Variants in BCL2L1 observed in about 807,000 individuals in gnomAD.
BCL2L1 encodes the protein BCL2 like 1.
Under a neutral mutation model 18.7 loss-of-function variants are expected in BCL2L1, and 1 was observed. The ratio of observed to expected loss-of-function variants is 0.05; its 90% CI spans 0.02 to 0.25. BCL2L1 has a LOEUF of 0.25. BCL2L1 is among the 10% of genes least tolerant of loss of function. The probability of loss-of-function intolerance (pLI) is 1.00; values close to 1 mark genes in which losing one functional copy is unlikely to be tolerated. For missense variants in BCL2L1, 207 were observed against 304.9 expected, an observed-to-expected ratio of 0.68 and a Z score of 2.39; for synonymous variants, 103 against 122.7, an observed-to-expected ratio of 0.84 and a Z score of 1.06.
At chr20:31,706,086 T>C (rs143157126) in intron 2 of BCL2L1, among the ~76,000 whole-genome samples, 2 of 152,232 alleles carry the variant, frequency 1.3e-5, no homozygotes, top group Admixed American at 1.3e-4. Context: ...GAAATTCTTC[T>C]GAGTAGCAGA....
At chr20:31,701,201 G>T (rs965949707) in intron 2 of BCL2L1, among the ~76,000 whole-genome samples, 4 of 152,008 alleles carry the variant, frequency 2.6e-5, no homozygotes, top group Non-Finnish European at 5.9e-5. Context: ...TTACAGGCAC[G>T]CGCCACCACA....
At chr20:31,675,932 TCCACCTCCTCCC>T (rs1420448152) in intron 2 of BCL2L1, among the ~76,000 whole-genome samples, 2 of 152,284 alleles carry the variant, frequency 1.3e-5, no homozygotes, top group African/African-American at 4.8e-5. Flanking sequence ...CCTCTCCTCC[TCCACCTCCTCCC>T]CCACCATTAG....
chr20:31,703,007 T>A (rs971753005), intron 2 of BCL2L1, among the ~76,000 whole-genome samples: 3 of 151,944 alleles, frequency 2.0e-5, no homozygotes, highest in Non-Finnish European at 4.4e-5. Flanking sequence ...CTTGGAGGGT[T>A]GTAAACAAAA....
chr20:31,673,028 T>C (rs1474149550), intron 2 of BCL2L1, among the ~76,000 whole-genome samples: 1 of 150,126 alleles, frequency 6.7e-6, no homozygotes, highest in Non-Finnish European at 1.5e-5. Flanking sequence ...AGTGTGACTT[T>C]GAGCAGGTTA....
chr20:31,712,775 T>C (rs1197335284), intron 2 of BCL2L1, among the ~76,000 whole-genome samples: 2 of 152,034 alleles, frequency 1.3e-5, no homozygotes, highest in Admixed American at 6.6e-5. Flanking sequence ...CACGTGTGTA[T>C]GTGTGTGTGG....
At position 31,665,999 on chromosome 20, in the gene BCL2L1, T is replaced by G. The variant is rs1203035801; in HGVS notation, c.652A>C (p.Met218Leu). 6.2e-7 allele frequency: 1 copy of G among 1,614,108 alleles called. No homozygotes were observed. Residue 218 changes from methionine (M) to leucine (L), a missense_variant, in exon 3 of 3, where the codon ATG becomes CTG. By Grantham distance (15) the Met-to-Leu change is conservative (BLOSUM62 2). Coordinates refer to ENST00000307677, the MANE Select transcript of BCL2L1 (RefSeq NM_138578.3). ...AGCAGAACCACGCCGGCCACAGTCA[T>G]GCCCGTCAGGAACCAGCGGTTGAAG... is the stretch of plus-strand genomic sequence containing the variant. ...ERFNRWFLTG[M>L]TVAGVVLLGS...
intron 2 of BCL2L1, among the ~76,000 whole-genome samples, chr20:31,717,040 C>T (rs1568901199): frequency 6.6e-6 from 1 of 152,172 alleles, no homozygotes. Context: ...AGGGAGGACT[C>T]TGTGGAATTA....
At chr20:31,715,519 T>C (rs1272722289) in intron 2 of BCL2L1, among the ~76,000 whole-genome samples, 1 of 152,180 alleles carries the variant, frequency 6.6e-6, no homozygotes, top group African/African-American at 2.4e-5. Flanking sequence ...CACCCTTTGC[T>C]GTAGGGTACC....
intron 2 of BCL2L1, among the ~76,000 whole-genome samples, chr20:31,707,778 CAAA>C (rs553742099): frequency 1.5e-4 from 9 of 60,892 alleles, no homozygotes; most frequent in Non-Finnish European, 2.3e-4. Context: ...AACTCTGTCT[CAAA>C]AAAAAAAAAA....
rs377336613 is a variant in BCL2L1, at chr20:31,721,838, C to G, written c.381G>C (p.Val127=). Reference sequence around the variant, plus strand: ...TTACCCCATCCCGGAAGAGTTCATTCACTACCTGTTCAAAGCTCTGATATG... The same window carrying G: ...TTACCCCATCCCGGAAGAGTTCATTGACTACCTGTTCAAAGCTCTGATATG... ...GTAYQSFEQV[V]NELFRDGVNW... Residue 127 remains valine, a synonymous_variant, in exon 2 of 3, where the codon GTG becomes GTC. Coordinates refer to ENST00000307677, the MANE Select transcript of BCL2L1 (RefSeq NM_138578.3). 6.2e-7 allele frequency: 1 copy of G among 1,614,220 alleles called. No individual in the cohort carries two copies. Among genetic ancestry groups the G allele is most frequent in the South Asian group, 1.1e-5 (1 of 91,092 alleles).
At chr20:31,690,088 CT>C (rs947197084) in intron 2 of BCL2L1, among the ~76,000 whole-genome samples, 21 of 151,834 alleles carry the variant, frequency 1.4e-4, no homozygotes, top group South Asian at 2.1e-4. Context: ...ATATTTTTAA[CT>C]TTTTTTTTCC....
chr20:31,675,036 G>A (rs958398744), intron 2 of BCL2L1, among the ~76,000 whole-genome samples: 1 of 152,166 alleles, frequency 6.6e-6, no homozygotes, highest in Non-Finnish European at 1.5e-5. Flanking sequence ...GCCAGCTGAG[G>A]GGAACTGGTG....
chr20:31,693,858 A>T (rs1469575927), intron 2 of BCL2L1, among the ~76,000 whole-genome samples: 1 of 152,104 alleles, frequency 6.6e-6, no homozygotes, highest in Non-Finnish European at 1.5e-5. Context: ...TTATTAATTA[A>T]TCTGGGTGAT....
At chr20:31,694,661 T>C (rs574822320) in intron 2 of BCL2L1, among the ~76,000 whole-genome samples, 1 of 152,258 alleles carries the variant, frequency 6.6e-6, no homozygotes, top group East Asian at 1.9e-4. Context: ...ATGCCAGGCA[T>C]TGTCCTAAGC....
chr20:31,715,986 ACG>A (rs1344242695), intron 2 of BCL2L1, among the ~76,000 whole-genome samples: 1 of 152,032 alleles, frequency 6.6e-6, no homozygotes, highest in Non-Finnish European at 1.5e-5. Flanking sequence ...CCACAGACAC[ACG>A]CCACCACCAA....
intron 2 of BCL2L1, among the ~76,000 whole-genome samples, chr20:31,675,893 A>G (rs1390198757): frequency 1.3e-5 from 2 of 152,054 alleles, no homozygotes; most frequent in Non-Finnish European, 2.9e-5. Flanking sequence ...ATCTTCCTCC[A>G]ACTCTGACCT....
At chr20:31,699,630 T>C (rs761609279) in intron 2 of BCL2L1, among the ~76,000 whole-genome samples, 31 of 152,220 alleles carry the variant, frequency 2.0e-4, no homozygotes, top group Admixed American at 6.5e-4. Context: ...ATCCTTCATT[T>C]ATTCCAAGAG....
rs552709722 is a variant in BCL2L1, at chr20:31,677,182, A to ATT, written c.565-11098_565-11097dup. Among the ~76,000 whole-genome samples, 1,321 of 139,552 alleles carry ATT rather than the reference A, an allele frequency of 9.5e-3. 42 individuals are homozygous for ATT. The highest frequency in any genetic ancestry group is 0.03 in the African/African-American group (1,096 of 37,106). The allele number at this position is 139,552 out of a possible 152,430, so 91.6% of individuals were successfully genotyped here. On this transcript the variant is annotated intron_variant, in intron 2 of 2. Coordinates refer to ENST00000307677, the MANE Select transcript of BCL2L1 (RefSeq NM_138578.3). Reference sequence around the variant, plus strand: ...TGCGGATTAAAAAAATCCTTATTTAATTTTTTTTTTTTTTTTTGAGACAGA... The same window carrying ATT: ...TGCGGATTAAAAAAATCCTTATTTAATTTTTTTTTTTTTTTTTTTGAGACAGA...
intron 2 of BCL2L1, among the ~76,000 whole-genome samples, chr20:31,696,497 G>A (rs1284215382): frequency 6.6e-6 from 1 of 152,164 alleles, no homozygotes; most frequent in Non-Finnish European, 1.5e-5. Context: ...TGAAACCCAG[G>A]TTCGGTGTAC....
Sources: allele counts gnomAD v4.1 joint callset (sites outside exome capture counted in the v4.1 genomes callset), GRCh38; gene constraint gnomAD v4.1.1; transcripts MANE v1.5; gene names NCBI Gene and HGNC (gene_info 2026-07-23, HGNC 2026-07-21).